The following BRD8 variants were observed in gnomAD, a reference collection of about 807,000 sequenced individuals.
BRD8 encodes the protein bromodomain-containing protein 8.
In BRD8, 67 loss-of-function variants were observed where a neutral mutation model predicts 143.1. That is an observed-to-expected ratio of 0.47 (90% CI 0.38 to 0.57). The LOEUF (loss-of-function observed/expected upper bound fraction) is 0.57, where lower values mean the gene tolerates loss of function less well. Among genes scored for constraint, BRD8 ranks in the 20% least tolerant of loss-of-function variants. The pLI, the probability that BRD8 is intolerant of heterozygous loss-of-function variation, is 0.00. For missense variants in BRD8, 1,103 were observed against 1,503.0 expected (o/e 0.73, Z 4.40); for synonymous variants, 505 against 517.1 (o/e 0.98, Z 0.32).
chr5:138,144,910 A>ATATATAT (rs1357478409), intron 25 of BRD8, among the ~76,000 whole-genome samples: 4 of 143,292 alleles, frequency 2.8e-5, no homozygotes, highest in African/African-American at 1.1e-4. Context: ...AAAAAAAAAA[A>ATATATAT]AAAAAAAAAT....
chr5:138,169,205 G>A lies in BRD8; in HGVS notation c.642+17C>T. ...GCCCCTTCACTGATCAATTCCCACA[G>A]ATGGAAATATACTCACCCCAGAGGT... On this transcript the variant is annotated intron_variant, in intron 8 of 26. Coordinates refer to ENST00000254900, the MANE Select transcript of BRD8 (RefSeq NM_139199.2). 6.2e-7 allele frequency: 1 copy of A among 1,611,120 alleles called. No individual in the cohort carries two copies. Among genetic ancestry groups the A allele is most frequent in the Non-Finnish European group, 8.5e-7 (1 of 1,179,232 alleles).
chr5:138,163,493 T>C, intron 14 of BRD8, 149 bp from the exon 15 acceptor site: 1 of 1,352,972 alleles, frequency 7.4e-7, no homozygotes, highest in South Asian at 1.3e-5. Flanking sequence ...TATACTACCA[T>C]CTACTTACAG....
At chr5:138,167,790 C>T (rs1753557225) in intron 9 of BRD8, 144 bp downstream of exon 9, 1 of 683,244 alleles carries the variant, frequency 1.5e-6, no homozygotes, top group South Asian at 1.6e-5. Flanking sequence ...ACATTGTTTA[C>T]CAGGTAAAGT....
At chr5:138,168,650 C>T (rs757142437) in intron 8 of BRD8, 26 of 1,602,464 alleles carry the variant, frequency 1.6e-5, no homozygotes, top group East Asian at 2.2e-5. Context: ...TCCCAGGAAA[C>T]GAGGTGACTG....
chr5:138,172,465 G>A (rs919970597), intron 2 of BRD8, among the ~76,000 whole-genome samples: 1 of 133,846 alleles, frequency 7.5e-6, no homozygotes, highest in African/African-American at 2.9e-5. Flanking sequence ...GGAGGTCACA[G>A]TGGGCCGAGA....
chr5:138,172,824 A>G, intron 2 of BRD8: 1 of 388,940 alleles, frequency 2.6e-6, no homozygotes. Flanking sequence ...ACTGCACTCC[A>G]GCCTGGGTGA....
intron 26 of BRD8, 32 bp downstream of exon 26, chr5:138,140,672 AT>A (rs1259306213): frequency 1.2e-6 from 2 of 1,602,838 alleles, no homozygotes; most frequent in African/African-American, 2.7e-5. Context: ...TGAAATCAAG[AT>A]TCCAGAGGCT....
chr5:138,140,443 G>A (rs1319645444), intron 26 of BRD8, among the ~76,000 whole-genome samples: 3 of 152,150 alleles, frequency 2.0e-5, no homozygotes, highest in Non-Finnish European at 4.4e-5. Context: ...GGCTCTGGAA[G>A]CGGGAATTCC....
At chr5:138,170,739 A>G in intron 6 of BRD8, 93 bp downstream of exon 6, 1 of 1,198,890 alleles carries the variant, frequency 8.3e-7, no homozygotes, top group Admixed American at 1.8e-5. Flanking sequence ...TCAAGTCTAA[A>G]GGGACGGCAA....
Position 138,160,126 on chromosome 5 carries a change from G to A in BRD8, c.2475C>T (p.Ile825=). The A allele has an allele frequency of 1.2e-6, 2 of 1,614,182 alleles. No individual in the cohort carries two copies. The highest frequency in any genetic ancestry group is 1.7e-6 in the Non-Finnish European group (2 of 1,180,014). The change falls in exon 19 of 27, where the codon ATC becomes ATT. Residue 825 remains isoleucine (I), a synonymous_variant. Transcript: ENST00000254900. ...CTCTCCCTCGAAGACTTTTAGCACT[G>A]ATCCCAGACTCGGATGTTTGCATAA... ...QLIMQTSESG[I]SAKSLRGRDS...
intron 14 of BRD8, 157 bp from the exon 15 acceptor site, chr5:138,163,501 C>T (rs1753166409): frequency 1.5e-6 from 2 of 1,374,086 alleles, no homozygotes; most frequent in African/African-American, 1.5e-5. Context: ...CATCTACTTA[C>T]AGACACTGCG....
At chr5:138,145,910 G>A (rs1468593773) in intron 23 of BRD8, 32 bp from the exon 24 acceptor site, 1 of 1,558,740 alleles carries the variant, frequency 6.4e-7, no homozygotes, top group Non-Finnish European at 8.8e-7. Flanking sequence ...AAAAGAGACA[G>A]TAACTTCACA....
chr5:138,145,160 ACC>A lies in BRD8; in HGVS notation c.3437+15_3437+16del. The A allele has an allele frequency of 6.2e-7, 1 of 1,604,458 alleles. No homozygotes were observed. ...ATATAAAAGCAACCAACCTTTCTTG[ACC>A]CCTTTTTCACTGACCTTTTCACCAC... On this transcript the variant is annotated intron_variant, in intron 25 of 26. Transcript: ENST00000254900.
At chr5:138,165,205 G>A in intron 11 of BRD8, 39 bp from the exon 12 acceptor site, 1 of 1,589,076 alleles carries the variant, frequency 6.3e-7, no homozygotes, top group East Asian at 2.2e-5. Context: ...GTCACAGAAA[G>A]AAGCCCAAGT....
intron 20 of BRD8, among the ~76,000 whole-genome samples, chr5:138,155,785 G>A (rs538659552): frequency 2.0e-5 from 3 of 152,050 alleles, no homozygotes; most frequent in African/African-American, 7.2e-5. Flanking sequence ...TCTTGGCCTC[G>A]CAAAGTGCTG....
rs533477773 is a variant in BRD8, at chr5:138,163,394, A to G, written c.1873-50T>C. 5 of 1,588,610 alleles carry G rather than the reference A, an allele frequency of 3.1e-6. No homozygotes were observed. The African/African-American group carries it at 4.0e-5, about 13-fold the overall frequency. ...ACAAATGCAAGCAAAGCTATCCAGC[A>G]AAGCATCATTAAACATGATCTGTCT... On this transcript the variant is annotated intron_variant, in intron 14 of 26. Transcript: ENST00000254900.
chr5:138,175,132 C>A (rs1016553637), intron 2 of BRD8, among the ~76,000 whole-genome samples: 9 of 152,148 alleles, frequency 5.9e-5, no homozygotes, highest in African/African-American at 2.2e-4. Flanking sequence ...GATCCGCCCA[C>A]CTCGGCCTCC....
chr5:138,157,356 G>A lies in BRD8; in HGVS notation c.2577+2199C>T, dbSNP rs1325748156. The A allele has an allele frequency of 1.5e-5, 23 of 1,541,170 alleles. No homozygotes were observed. In the South Asian group the frequency reaches 1.6e-4, roughly 11 times the overall value. ...AGAAAAGTTGGGGATTTGGTTTCTTGGGGGAGAGGGAAGAGAATCAGCAGA... is the reference window on the plus strand; with the variant it reads ...AGAAAAGTTGGGGATTTGGTTTCTTAGGGGAGAGGGAAGAGAATCAGCAGA... On this transcript the variant is annotated intron_variant, in intron 20 of 26. Coordinates refer to ENST00000254900, the MANE Select transcript of BRD8 (RefSeq NM_139199.2).
intron 23 of BRD8, among the ~76,000 whole-genome samples, chr5:138,148,454 A>T (rs1345014410): frequency 6.6e-6 from 1 of 151,712 alleles, no homozygotes; most frequent in Non-Finnish European, 1.5e-5. Context: ...TGTAACCTTC[A>T]CCTCCCAAGT....
Sources: allele counts gnomAD v4.1 joint callset (sites outside exome capture counted in the v4.1 genomes callset), GRCh38; gene constraint gnomAD v4.1.1; transcripts MANE v1.5; gene names NCBI Gene and HGNC (gene_info 2026-07-23, HGNC 2026-07-21).